The following HNRNPC variants were observed in gnomAD, a reference collection of about 807,000 sequenced individuals.
HNRNPC encodes heterogeneous nuclear ribonucleoprotein C, also known as heterogeneous nuclear ribonucleoproteins C1/C2.
Under a neutral mutation model 33.2 loss-of-function variants are expected in HNRNPC, and 3 were observed. The ratio of observed to expected loss-of-function variants is 0.09; its 90% CI spans 0.04 to 0.23. The LOEUF (loss-of-function observed/expected upper bound fraction) is 0.23, where lower values mean the gene tolerates loss of function less well. HNRNPC is among the 10% of genes least tolerant of loss of function. The pLI is 1.00. For synonymous variants in HNRNPC, 121 were observed against 126.7 expected (o/e 0.96, Z 0.30); for missense variants, 143 against 366.7 (o/e 0.39, Z 4.98).
At chr14:21,239,711 T>C (rs1380167637) in intron 2 of HNRNPC, among the ~76,000 whole-genome samples, 1 of 151,942 alleles carries the variant, frequency 6.6e-6, no homozygotes, top group Non-Finnish European at 1.5e-5. Context: ...CGGTCTCTAC[T>C]AAAAATACAA....
chr14:21,234,264 T>A, intron 2 of HNRNPC, 35 bp from the exon 3 acceptor site: 1 of 1,522,956 alleles, frequency 6.6e-7, no homozygotes, highest in Non-Finnish European at 8.9e-7. Context: ...GGTGAACAGA[T>A]GCTAAAAACA....
intron 1 of HNRNPC, chr14:21,264,003 A>G (rs1330647973): frequency 6.6e-6 from 1 of 152,230 alleles, no homozygotes; most frequent in Non-Finnish European, 1.5e-5. Context: ...TGTCTTCACA[A>G]TTCTTCAACA....
intron 2 of HNRNPC, among the ~76,000 whole-genome samples, chr14:21,258,210 G>C (rs1451420652): frequency 2.6e-5 from 4 of 152,032 alleles, no homozygotes; most frequent in African/African-American, 9.7e-5. Context: ...GGCCAACATG[G>C]TGAAACCCCA....
At chr14:21,224,705 A>C (rs1893213629) in intron 5 of HNRNPC, among the ~76,000 whole-genome samples, 1 of 152,124 alleles carries the variant, frequency 6.6e-6, no homozygotes, top group African/African-American at 2.4e-5. Flanking sequence ...AGAACATGTA[A>C]TACAAAGCCC....
intron 5 of HNRNPC, among the ~76,000 whole-genome samples, chr14:21,222,927 G>A (rs28698963): frequency 0.078 from 11,794 of 150,952 alleles, 562 homozygotes; most frequent in Non-Finnish European, 0.087. Flanking sequence ...CCAGCTGGGC[G>A]TGATGGCTCA....
At chr14:21,257,911 A>G (rs1877503012) in intron 2 of HNRNPC, among the ~76,000 whole-genome samples, 1 of 152,202 alleles carries the variant, frequency 6.6e-6, no homozygotes, top group African/African-American at 2.4e-5. Flanking sequence ...ATGCCATCAC[A>G]ACCATGGTAA....
At chr14:21,264,262 G>A (rs1243333395) in intron 1 of HNRNPC, 2 of 152,176 alleles carry the variant, frequency 1.3e-5, no homozygotes, top group South Asian at 2.1e-4. Context: ...TAGACTGAAG[G>A]TGAATGGCCT....
At chr14:21,249,246 C>A (rs1896341680) in intron 2 of HNRNPC, among the ~76,000 whole-genome samples, 1 of 152,030 alleles carries the variant, frequency 6.6e-6, no homozygotes, top group South Asian at 2.1e-4. Context: ...GGGCCCTTCT[C>A]TTCCCCAAGA....
intron 2 of HNRNPC, among the ~76,000 whole-genome samples, chr14:21,240,368 A>C (rs1055615915): frequency 2.0e-5 from 3 of 152,240 alleles, no homozygotes; most frequent in African/African-American, 7.2e-5. Flanking sequence ...GAGGGAAACC[A>C]ATCTTGGATT....
chr14:21,254,932 AC>A (rs1317211153), intron 2 of HNRNPC, among the ~76,000 whole-genome samples: 6 of 148,316 alleles, frequency 4.0e-5, no homozygotes, highest in Non-Finnish European at 8.9e-5. Context: ...CAAAAAAAAA[AC>A]AAAAAAAAAA....
At chr14:21,212,747 T>C (rs762199168) in intron 6 of HNRNPC, among the ~76,000 whole-genome samples, 4 of 152,174 alleles carry the variant, frequency 2.6e-5, no homozygotes, top group African/African-American at 4.8e-5. Flanking sequence ...TTCCTCCATG[T>C]TGGACAGGCT....
chr14:21,248,528 C>T (rs1035002417), intron 2 of HNRNPC, among the ~76,000 whole-genome samples: 3 of 152,132 alleles, frequency 2.0e-5, no homozygotes, highest in African/African-American at 7.2e-5. Context: ...TGGTAACTGG[C>T]ACTTAACAAG....
chr14:21,241,157 G>A (rs2139708764), intron 2 of HNRNPC, among the ~76,000 whole-genome samples: 1 of 151,636 alleles, frequency 6.6e-6, no homozygotes, highest in African/African-American at 2.4e-5. Flanking sequence ...CTACTCGGGG[G>A]GCTGAGGCAA....
chr14:21,217,129 A>G (rs954202351), intron 5 of HNRNPC, among the ~76,000 whole-genome samples: 3 of 152,248 alleles, frequency 2.0e-5, no homozygotes, highest in Admixed American at 1.3e-4. Flanking sequence ...GTTACAAAGA[A>G]TGCTGCTCAG....
chr14:21,212,549 T>A (rs538932952), intron 6 of HNRNPC, among the ~76,000 whole-genome samples: 6 of 152,202 alleles, frequency 3.9e-5, no homozygotes, highest in Non-Finnish European at 7.4e-5. Flanking sequence ...TTTTGGATTT[T>A]TTTTTTTTTC....
chr14:21,240,432 T>C (rs143373832), intron 2 of HNRNPC, among the ~76,000 whole-genome samples: 52 of 152,338 alleles, frequency 3.4e-4, no homozygotes, highest in African/African-American at 1.1e-3. Flanking sequence ...TCATTACCAT[T>C]ACATTAACTT....
intron 2 of HNRNPC, among the ~76,000 whole-genome samples, chr14:21,243,586 T>C (rs891936889): frequency 2.6e-5 from 4 of 152,176 alleles, no homozygotes; most frequent in African/African-American, 9.7e-5. Context: ...TGCAATGAAG[T>C]GAAGGAAAAG....
intron 3 of HNRNPC, among the ~76,000 whole-genome samples, chr14:21,231,852 T>G (rs971895084): frequency 6.6e-6 from 1 of 152,160 alleles, no homozygotes; most frequent in Non-Finnish European, 1.5e-5. Flanking sequence ...TTCAGCTCAT[T>G]CCGAATTATT....
chr14:21,252,795 G>A (rs574394156), intron 2 of HNRNPC, among the ~76,000 whole-genome samples: 1 of 152,218 alleles, frequency 6.6e-6, no homozygotes, highest in South Asian at 2.1e-4. Flanking sequence ...AAACAAAAAG[G>A]CTGGCCAAGG....
Sources: gnomAD v4.1 joint callset for allele counts (sites outside exome capture counted in the v4.1 genomes callset) on GRCh38, gnomAD v4.1.1 for gene constraint, MANE v1.5 for transcripts, NCBI Gene and HGNC (gene_info 2026-07-23, HGNC 2026-07-21) for gene names.